Variants in TMEM143 observed in about 807,000 individuals in gnomAD.
TMEM143 encodes the protein transmembrane protein 143.
A neutral mutation model predicts 40.3 loss-of-function variants in TMEM143; 45 were observed. That is an observed-to-expected ratio of 1.12 (90% CI 0.88 to 1.43). The LOEUF is 1.43. TMEM143 is among the 40% of genes most tolerant of loss of function. TMEM143 has a pLI of 0.00. For synonymous variants in TMEM143, 299 were observed against 282.7 expected (o/e 1.06, Z -0.58); for missense variants, 620 against 613.4 (o/e 1.01, Z -0.11).
At chr19:48,345,635 A>T (rs1969610632) in intron 3 of TMEM143, among the ~76,000 whole-genome samples, 1 of 136,900 alleles carries the variant, frequency 7.3e-6, no homozygotes, top group Non-Finnish European at 1.6e-5. Flanking sequence ...ATATATATAT[A>T]TATTTTTTGT....
chr19:48,357,349 C>CTTTT (rs1195099137), intron 3 of TMEM143, among the ~76,000 whole-genome samples: 195 of 74,808 alleles, frequency 2.6e-3, no homozygotes, highest in Non-Finnish European at 3.0e-3. Context: ...GTCTATCTTT[C>CTTTT]TTTTTTTTTT....
intron 3 of TMEM143, among the ~76,000 whole-genome samples, chr19:48,351,047 A>G (rs1450454285): frequency 6.6e-6 from 1 of 151,802 alleles, no homozygotes; most frequent in Non-Finnish European, 1.5e-5. Flanking sequence ...GAGGACTCCC[A>G]GATTTCCATC....
At chr19:48,340,967 G>T (rs919318433) in intron 6 of TMEM143, among the ~76,000 whole-genome samples, 5 of 152,126 alleles carry the variant, frequency 3.3e-5, no homozygotes, top group Non-Finnish European at 7.4e-5. Context: ...GTCCCAAGCA[G>T]AAATTGCTCC....
At chr19:48,343,017 C>G (rs1274897872) in intron 5 of TMEM143, 1 of 701,606 alleles carries the variant, frequency 1.4e-6, no homozygotes, top group Non-Finnish European at 2.3e-6. Context: ...ATTGGACGTG[C>G]AGATTGTTTG....
chr19:48,334,022 T>C lies in TMEM143; in HGVS notation c.1151A>G (p.Gln384Arg). 1 of 1,556,036 alleles carries C rather than the reference T, an allele frequency of 6.4e-7. No individual in the cohort carries two copies. Among genetic ancestry groups the C allele is most frequent in the Non-Finnish European group, 8.7e-7 (1 of 1,153,582 alleles). Reference sequence around the variant, plus strand: ...CCACGTCCTACCTTCGGGCGAGCCTTGAGTGCCCCCTGGCCGCCGGGCCAG... The same window carrying C: ...CCACGTCCTACCTTCGGGCGAGCCTCGAGTGCCCCCTGGCCGCCGGGCCAG... Reference protein sequence around the residue: ...SFLARRPGGTQGSPEETSRWL... With the variant: ...SFLARRPGGTRGSPEETSRWL... The change falls in exon 7 of 8, where the codon CAA becomes CGA. Residue 384 changes from glutamine (Q) to arginine (R), a missense_variant. By Grantham distance (43) the Gln-to-Arg change is conservative. Transcript: ENST00000293261.
chr19:48,358,376 T>C (rs1417790839), intron 3 of TMEM143, among the ~76,000 whole-genome samples: 1 of 150,104 alleles, frequency 6.7e-6, no homozygotes, highest in African/African-American at 2.5e-5. Flanking sequence ...AGAGTGAGAC[T>C]CTGTCTCAGA....
chr19:48,355,420 G>A (rs1053644689), intron 3 of TMEM143, among the ~76,000 whole-genome samples: 5 of 152,260 alleles, frequency 3.3e-5, no homozygotes, highest in African/African-American at 1.2e-4. Context: ...GCAGGCAGAC[G>A]GGGGCTTGAT....
At chr19:48,339,472 C>T (rs1442410736) in intron 6 of TMEM143, among the ~76,000 whole-genome samples, 1 of 152,166 alleles carries the variant, frequency 6.6e-6, no homozygotes, top group African/African-American at 2.4e-5. Context: ...ACCCCTTATC[C>T]CGCAGTGGGG....
At chr19:48,334,961 A>C (rs888350234) in intron 6 of TMEM143, among the ~76,000 whole-genome samples, 2 of 152,194 alleles carry the variant, frequency 1.3e-5, no homozygotes, top group African/African-American at 4.8e-5. Flanking sequence ...TACAGTTTTC[A>C]GCAACCACTG....
chr19:48,334,192 G>A lies in TMEM143; in HGVS notation c.981C>T (p.Phe327=), dbSNP rs746708072. The change falls in exon 7 of 8, where the codon TTC becomes TTT. Residue 327 remains phenylalanine (F), a synonymous_variant. Coordinates refer to ENST00000293261, the MANE Select transcript of TMEM143 (RefSeq NM_018273.4). ...ACGCCTGCGCGCTGCGCCGCTGCCC[G>A]AACATCTGCAGGCGGGACAGCGCCC... ...IFMGLRASKM[F]GQRRSAQALE... is the part of the protein sequence containing the mutation. The A allele has an allele frequency of 6.2e-7, 1 of 1,600,688 alleles. No individual in the cohort carries two copies. The highest frequency in any genetic ancestry group is 8.5e-7 in the Non-Finnish European group (1 of 1,174,582).
chr19:48,334,826 C>T (rs1401939153), intron 6 of TMEM143, among the ~76,000 whole-genome samples: 1 of 152,092 alleles, frequency 6.6e-6, no homozygotes, highest in Non-Finnish European at 1.5e-5. Flanking sequence ...TGGAGTGATC[C>T]TCGCTCCTCA....
intron 3 of TMEM143, among the ~76,000 whole-genome samples, chr19:48,357,213 A>C (rs8101190): frequency 0.73 from 110,417 of 150,666 alleles, 40,542 homozygotes; most frequent in East Asian, 0.83. Flanking sequence ...TGCTTTGGCC[A>C]CCCAAAGTGC....
chr19:48,363,714 C>G (rs958978607), intron 1 of TMEM143, 183 bp from the exon 2 acceptor site: 12 of 1,363,096 alleles, frequency 8.8e-6, no homozygotes, highest in Non-Finnish European at 1.2e-5. Context: ...GGGTCCCAGA[C>G]AGGGGTCAGA....
chr19:48,360,246 T>A (rs776218140), intron 2 of TMEM143, 70 bp from the exon 3 acceptor site: 16 of 1,468,846 alleles, frequency 1.1e-5, no homozygotes, highest in Non-Finnish European at 1.5e-5. Context: ...ATTCTTTCCC[T>A]GGCTGCCTAA....
Position 48,333,539 on chromosome 19 carries a change from G to C in TMEM143, c.1166-106C>G. On this transcript the variant is annotated intron_variant, in intron 7 of 7. Coordinates refer to ENST00000293261, the MANE Select transcript of TMEM143 (RefSeq NM_018273.4). This position sits in a 1 kb window ranked among gnomAD's most constrained non-coding sequence, Gnocchi z 4.1. ...CAAAGAACAGGAAGGGCCTGGGTTT[G>C]GGAGAAGCCTAGGAGTGATCTTGAG... 5.3e-6 allele frequency: 4 copies of C among 749,268 alleles called. No homozygotes were observed. In the South Asian group the frequency reaches 7.2e-5, roughly 13 times the overall value. 46.4% of individuals were successfully genotyped at this position (749,268 alleles called of 1,614,324 possible). A position where few individuals can be genotyped will look rare whatever the true frequency, so the allele number is the denominator to read the frequency against.
At chr19:48,360,890 G>A (rs143652320) in intron 2 of TMEM143, among the ~76,000 whole-genome samples, 13 of 152,020 alleles carry the variant, frequency 8.6e-5, no homozygotes, top group African/African-American at 2.2e-4. Flanking sequence ...GGGATGAAGC[G>A]ATCCTCCCAC....
chr19:48,344,262 G>A (rs275578), intron 4 of TMEM143, among the ~76,000 whole-genome samples: 4 of 150,782 alleles, frequency 2.7e-5, no homozygotes, highest in Non-Finnish European at 4.4e-5. Context: ...CTTTTTTAAT[G>A]TGTCTCTCTG....
In TMEM143 at chr19:48,342,666, A is replaced by G; in HGVS notation, c.839T>C (p.Leu280Pro). Residue 280 changes from leucine (L) to proline (P), a missense_variant, in exon 6 of 8, where the codon CTG (leucine) becomes CCG (proline). Leu to Pro is a moderately conservative substitution (Grantham distance 98, BLOSUM62 -3). Transcript: ENST00000293261. ...GGAGACTACCAGCATGAGGTTGAGC[A>G]GGGCGCGCTGCAGGGTGGGCGTGCG... ...KVRTPTLQRA[L>P]LNLMLVVSGV... 6.2e-7 allele frequency: 1 copy of G among 1,614,126 alleles called. No homozygotes were observed. Among genetic ancestry groups the G allele is most frequent in the East Asian group, 2.2e-5 (1 of 44,886 alleles).
chr19:48,336,245 C>G (rs564320478), intron 6 of TMEM143, among the ~76,000 whole-genome samples: 3 of 151,888 alleles, frequency 2.0e-5, no homozygotes, highest in Admixed American at 6.6e-5. Flanking sequence ...AGACCTGGCA[C>G]GGTGGTTCAT....
Sources: allele counts gnomAD v4.1 joint callset (sites outside exome capture counted in the v4.1 genomes callset), GRCh38; gene constraint gnomAD v4.1.1; non-coding constraint Gnocchi (gnomAD v3.1); transcripts MANE v1.5; gene names NCBI Gene and HGNC (gene_info 2026-07-23, HGNC 2026-07-21).